CACNA2D1: variants seen among roughly 807,000 people sequenced by gnomAD.
CACNA2D1 encodes the protein voltage-dependent calcium channel subunit alpha-2/delta-1.
A neutral mutation model predicts 171.5 loss-of-function variants in CACNA2D1; 53 were observed. That is an observed-to-expected ratio of 0.31 (90% CI 0.25 to 0.39). CACNA2D1 has a LOEUF of 0.39. Among genes scored for constraint, CACNA2D1 ranks in the 10% least tolerant of loss-of-function variants. The pLI, the probability that CACNA2D1 is intolerant of heterozygous loss-of-function variation, is 1.00. For missense variants in CACNA2D1, 903 were observed against 1,299.8 expected (o/e 0.69, Z 4.69); for synonymous variants, 442 against 443.1 (o/e 1.00, Z 0.03).
intron 1 of CACNA2D1, among the ~76,000 whole-genome samples, chr7:82,411,575 C>T (rs1363371903): frequency 6.6e-6 from 1 of 152,044 alleles, no homozygotes; most frequent in East Asian, 1.9e-4. Context: ...ATATTGCTGA[C>T]ATTTTAAAAT....
chr7:82,337,155 A>G (rs1818096504), intron 2 of CACNA2D1, among the ~76,000 whole-genome samples: 1 of 152,162 alleles, frequency 6.6e-6, no homozygotes, highest in South Asian at 2.1e-4. Flanking sequence ...ATACTTAACA[A>G]AAACAAGATG....
At chr7:81,996,890 G>A (rs1046024458) in intron 19 of CACNA2D1, among the ~76,000 whole-genome samples, 1 of 151,812 alleles carries the variant, frequency 6.6e-6, no homozygotes, top group East Asian at 1.9e-4. Flanking sequence ...GATTTTTACT[G>A]AAGTTTACAA....
At chr7:82,056,628 G>C (rs908965309) in intron 10 of CACNA2D1, among the ~76,000 whole-genome samples, 1 of 152,032 alleles carries the variant, frequency 6.6e-6, no homozygotes, top group Admixed American at 6.6e-5. Flanking sequence ...ACCAACCCAC[G>C]GGAATAGTGT....
intron 7 of CACNA2D1, among the ~76,000 whole-genome samples, chr7:82,070,822 A>C (rs1808233785): frequency 6.6e-6 from 1 of 152,198 alleles, no homozygotes; most frequent in Admixed American, 6.5e-5. Flanking sequence ...CACAGGTACA[A>C]ATGGACAATT....
At position 82,272,577 on chromosome 7, in the gene CACNA2D1, G is replaced by A. The variant is rs148530337; in HGVS notation, c.294+62558C>T. On this transcript the variant is annotated intron_variant, in intron 3 of 38. Transcript: ENST00000356860. ...GGGAAGTTAGCTACCATGGTTAGGT[G>A]TTGTGGAAAGAAGCCCAAGTGGCAA... Among the ~76,000 whole-genome samples, 982 of 152,274 alleles carry A rather than the reference G, an allele frequency of 6.4e-3. 6 individuals carry two copies. Among genetic ancestry groups the A allele is most frequent in the Admixed American group, 0.015 (233 of 15,280 alleles).
rs1562759547 is a variant in CACNA2D1 at position 81,950,395 on chromosome 7, TA to T, written c.3272del (p.Leu1091TyrfsTer10). The part of the protein sequence containing the change: ...WLVSGSTHRL[L>X] ...TGCAGATTTGGTTTTTAGAAGGTCA[TA>T]ACAGGCGGTGTGTGCTGCCAGATAC... On this transcript the variant is annotated frameshift_variant, in exon 39 of 39. Transcript: ENST00000356860. LOFTEE classifies it high-confidence loss of function. The T allele has an allele frequency of 6.2e-7, 1 of 1,613,162 alleles. No homozygotes were observed. Among genetic ancestry groups the T allele is most frequent in the Non-Finnish European group, 8.5e-7 (1 of 1,179,476 alleles).
chr7:82,361,747 G>A (rs553433981), intron 1 of CACNA2D1, among the ~76,000 whole-genome samples: 32 of 152,180 alleles, frequency 2.1e-4, no homozygotes, highest in African/African-American at 5.5e-4. Flanking sequence ...TACAGTTATT[G>A]GAGAAGGCTT....
chr7:82,091,627 A>G (rs1811174895), intron 6 of CACNA2D1, among the ~76,000 whole-genome samples: 5 of 152,210 alleles, frequency 3.3e-5, no homozygotes, highest in Admixed American at 2.6e-4. Context: ...TGAATGATTT[A>G]ATGTCACTTG....
chr7:82,378,043 A>G (rs965086217), intron 1 of CACNA2D1, among the ~76,000 whole-genome samples: 1 of 152,138 alleles, frequency 6.6e-6, no homozygotes, highest in African/African-American at 2.4e-5. Flanking sequence ...ATAGCTACTT[A>G]GCATTACCTT....
intron 3 of CACNA2D1, among the ~76,000 whole-genome samples, chr7:82,247,546 C>A (rs1805080608): frequency 1.3e-5 from 2 of 152,012 alleles, no homozygotes; most frequent in Admixed American, 1.3e-4. Flanking sequence ...AAGGCCCAAT[C>A]CTTCTCACAA....
At chr7:82,428,185 T>C (rs534315882) in intron 1 of CACNA2D1, among the ~76,000 whole-genome samples, 1 of 152,214 alleles carries the variant, frequency 6.6e-6, no homozygotes, top group African/African-American at 2.4e-5. Flanking sequence ...AATTACTTGA[T>C]AGTCACATAC....
intron 3 of CACNA2D1, among the ~76,000 whole-genome samples, chr7:82,301,730 T>TACACAC (rs4018910): frequency 0.038 from 5,467 of 142,208 alleles, 145 homozygotes; most frequent in Admixed American, 0.079. Flanking sequence ...TGGTAAATAA[T>TACACAC]ACACACACAC....
chr7:82,038,732 C>T (rs1035409642), intron 10 of CACNA2D1, among the ~76,000 whole-genome samples: 3 of 152,108 alleles, frequency 2.0e-5, no homozygotes, highest in African/African-American at 7.2e-5. Context: ...TCTACAGAGG[C>T]TAACAGAGGA....
chr7:82,159,799 C>A (rs1331030027), intron 4 of CACNA2D1, among the ~76,000 whole-genome samples: 1 of 107,826 alleles, frequency 9.3e-6, no homozygotes, highest in Admixed American at 1.1e-4. Flanking sequence ...TTATTAGTGA[C>A]AGGCTTTAGG....
chr7:81,952,112 G>T (rs1792669873), intron 38 of CACNA2D1, among the ~76,000 whole-genome samples: 1 of 149,548 alleles, frequency 6.7e-6, no homozygotes, highest in Non-Finnish European at 1.5e-5. Flanking sequence ...CATATGTTTT[G>T]GCCATTTGTA....
At chr7:81,996,365 A>T (rs572549089) in intron 19 of CACNA2D1, among the ~76,000 whole-genome samples, 1 of 152,156 alleles carries the variant, frequency 6.6e-6, no homozygotes, top group East Asian at 1.9e-4. Context: ...ATAATAAATC[A>T]TTAAATTCTA....
intron 3 of CACNA2D1, among the ~76,000 whole-genome samples, chr7:82,262,191 C>A (rs1055376635): frequency 6.6e-6 from 1 of 152,074 alleles, no homozygotes; most frequent in African/African-American, 2.4e-5. Context: ...ATTAGCCAGG[C>A]GTGGTGGCAG....
chr7:82,259,102 C>A (rs1476191515), intron 3 of CACNA2D1, among the ~76,000 whole-genome samples: 1 of 152,118 alleles, frequency 6.6e-6, no homozygotes, highest in Non-Finnish European at 1.5e-5. Flanking sequence ...GCTGGAATTA[C>A]AGGCGTGAGC....
chr7:81,975,401 C>T (rs1043509412), intron 24 of CACNA2D1, among the ~76,000 whole-genome samples: 8 of 152,076 alleles, frequency 5.3e-5, no homozygotes, highest in Admixed American at 2.0e-4. Context: ...TAATTCCTGA[C>T]AAGAGAAGAC....
Sources: allele counts gnomAD v4.1 joint callset (sites outside exome capture counted in the v4.1 genomes callset), GRCh38; gene constraint gnomAD v4.1.1; transcripts MANE v1.5; gene names NCBI Gene and HGNC (gene_info 2026-07-23, HGNC 2026-07-21).